Variants in THAP9 observed in about 807,000 individuals in gnomAD.
The protein encoded by THAP9 is DNA transposase THAP9.
In THAP9, 20 loss-of-function variants were observed where a neutral mutation model predicts 35.7. The observed-to-expected ratio is 0.56, with a 90% CI of 0.39 to 0.81. The LOEUF (loss-of-function observed/expected upper bound fraction) is 0.81, where lower values mean the gene tolerates loss of function less well. Among genes scored for constraint, THAP9 ranks in the 40% least tolerant of loss-of-function variants. The pLI, the probability that THAP9 is intolerant of heterozygous loss-of-function variation, is 0.00. For missense variants in THAP9, 870 were observed against 1,047.4 expected, an observed-to-expected ratio of 0.83 and a Z score of 2.34; for synonymous variants, 335 against 373.7, an observed-to-expected ratio of 0.90 and a Z score of 1.19.
At chr4:82,905,505 C>A (rs892111663) in intron 2 of THAP9, among the ~76,000 whole-genome samples, 5 of 149,856 alleles carry the variant, frequency 3.3e-5, no homozygotes, top group South Asian at 4.3e-4. Flanking sequence ...CCTAACTGTT[C>A]TATTCTGACA....
chr4:82,902,105 CTTTTTTTTT>C (rs768693634), intron 1 of THAP9, among the ~76,000 whole-genome samples: 4 of 104,498 alleles, frequency 3.8e-5, no homozygotes, highest in African/African-American at 1.5e-4. Flanking sequence ...CATTTTCCTT[CTTTTTTTTT>C]TTTTTTTTTT....
At position 82,906,620 on chromosome 4, in the gene THAP9, A is replaced by G. The variant is rs143971875; in HGVS notation, c.573A>G (p.Gln191=). ...AAACAGAGTGTCTGCTACGAGCTCA[A>G]TTTTCAGGTACTTCCCCCTAGTAAC... is the stretch of plus-strand genomic sequence containing the variant. ...SEETECLLRA[Q]FSDFKWELYN... is the part of the protein sequence containing the mutation. Residue 191 remains glutamine, a synonymous_variant, in exon 3 of 5, where the codon CAA becomes CAG. Transcript: ENST00000302236. 2.5e-5 allele frequency: 39 copies of G among 1,588,616 alleles called. No individual in the cohort carries two copies. Among genetic ancestry groups the G allele is most frequent in the African/African-American group, 5.4e-5 (4 of 73,602 alleles).
At chr4:82,913,244 G>A (rs962176315) in intron 4 of THAP9, 15 of 152,042 alleles carry the variant, frequency 9.9e-5, no homozygotes, top group Non-Finnish European at 5.9e-5. Flanking sequence ...TCTGCTTCAT[G>A]TTCATGACAT....
chr4:82,907,791 A>T lies in THAP9; in HGVS notation c.587A>T (p.Lys196Met), dbSNP rs1720707295. 1 of 1,576,880 alleles carries T rather than the reference A, an allele frequency of 6.3e-7. No individual in the cohort carries two copies. Among genetic ancestry groups the T allele is most frequent in the South Asian group, 1.2e-5 (1 of 81,962 alleles). ...AAAAAATTTATTTTAACAGATTTTAAGTGGGAGTTATATAATTGGAGAGAA... is the reference window on the plus strand; with the variant it reads ...AAAAAATTTATTTTAACAGATTTTATGTGGGAGTTATATAATTGGAGAGAA... Reference protein sequence around the residue: ...CLLRAQFSDFKWELYNWRETD... With the variant: ...CLLRAQFSDFMWELYNWRETD... Residue 196 changes from lysine (K) to methionine (M), a missense_variant, in exon 4 of 5, where the codon AAG becomes ATG. Lys to Met is a moderately conservative substitution (Grantham distance 95, BLOSUM62 -1). Around this residue, in one of 3 missense-constraint regions of THAP9, gnomAD observed 440 missense variants for 501.2 expected, o/e 0.88. Coordinates refer to ENST00000302236, the MANE Select transcript of THAP9 (RefSeq NM_024672.6).
intron 4 of THAP9, among the ~76,000 whole-genome samples, chr4:82,912,140 C>T (rs1480007592): frequency 6.6e-6 from 1 of 152,140 alleles, no homozygotes; most frequent in Non-Finnish European, 1.5e-5. Context: ...GTGTTTTTTA[C>T]AATTTTCAGT....
intron 1 of THAP9, 122 bp downstream of exon 1, chr4:82,901,004 G>A: frequency 1.7e-6 from 2 of 1,188,794 alleles, no homozygotes; most frequent in Non-Finnish European, 2.4e-6. Context: ...GCGACGTGAC[G>A]TGCGCAGCGT....
At chr4:82,916,001 A>G (rs890907834) in intron 4 of THAP9, among the ~76,000 whole-genome samples, 1 of 152,228 alleles carries the variant, frequency 6.6e-6, no homozygotes, top group Non-Finnish European at 1.5e-5. Context: ...GGAAAGCCCT[A>G]TCCCAAAATA....
At chr4:82,913,408 C>G (rs772223435) in intron 4 of THAP9, 3 of 152,082 alleles carry the variant, frequency 2.0e-5, no homozygotes, top group Non-Finnish European at 4.4e-5. Flanking sequence ...ACATATGCAA[C>G]ACAGTTAGCA....
chr4:82,907,896 G>A lies in THAP9; in HGVS notation c.692G>A (p.Arg231Lys). 1 of 1,610,124 alleles carries A rather than the reference G, an allele frequency of 6.2e-7. No homozygotes were observed. Among genetic ancestry groups the A allele is most frequent in the African/African-American group, 1.3e-5 (1 of 74,914 alleles). The change falls in exon 4 of 5, where the codon AGA (arginine) becomes AAA (lysine). Residue 231 changes from arginine to lysine, a missense_variant. Transcript: ENST00000302236. ...LCSSKVYDYV[R>K]KILKLPHSSI... Reference sequence around the variant, plus strand: ...AGTAGCAAAGTCTATGATTATGTAAGAAAGATTCTTAAGCTGCCTCATTCT... The same window carrying A: ...AGTAGCAAAGTCTATGATTATGTAAAAAAGATTCTTAAGCTGCCTCATTCT...
At chr4:82,901,721 T>TGG (rs200873588) in intron 1 of THAP9, among the ~76,000 whole-genome samples, 1 of 151,654 alleles carries the variant, frequency 6.6e-6, no homozygotes, top group African/African-American at 2.4e-5. Flanking sequence ...TTTTTTTTTT[T>TGG]TTTTGTTTTC....
At chr4:82,904,684 A>C in intron 1 of THAP9, 52 bp from the exon 2 acceptor site, 1 of 1,487,266 alleles carries the variant, frequency 6.7e-7, no homozygotes, top group Non-Finnish European at 9.4e-7. Context: ...ATACTACTGT[A>C]ATAGTACTAT....
chr4:82,900,962 G>GGCCGC, intron 1 of THAP9, 80 bp downstream of exon 1: 1 of 1,533,636 alleles, frequency 6.5e-7, no homozygotes, highest in Non-Finnish European at 8.9e-7. Context: ...GGCGGGGCCG[G>GGCCGC]GCCGCACTGT....
chr4:82,918,598 G>A lies in THAP9; in HGVS notation c.2386G>A (p.Glu796Lys). The change falls in exon 5 of 5, where the codon GAA becomes AAA. Residue 796 changes from glutamate (E) to lysine (K), a missense_variant. Around this residue, in one of 3 missense-constraint regions of THAP9, gnomAD observed 414 missense variants for 500.8 expected, o/e 0.83. Coordinates refer to ENST00000302236, the MANE Select transcript of THAP9 (RefSeq NM_024672.6). Reference protein sequence around the residue: ...AIFELVSKQRELYLQQKILCE... With the variant: ...AIFELVSKQRKLYLQQKILCE... ...TTTTGAACTAGTTTCTAAACAAAGG[G>A]AATTGTATCTTCAACAGAAAATATT... is the stretch of plus-strand genomic sequence containing the variant. 3 of 1,614,070 alleles carry A rather than the reference G, an allele frequency of 1.9e-6. No homozygotes were observed. The highest frequency in any genetic ancestry group is 2.5e-6 in the Non-Finnish European group (3 of 1,179,968).
intron 1 of THAP9, among the ~76,000 whole-genome samples, chr4:82,901,611 T>C (rs565345287): frequency 1.8e-4 from 28 of 152,004 alleles, no homozygotes; most frequent in Non-Finnish European, 2.6e-4. Flanking sequence ...AGTGCAAATA[T>C]AGAGGAGTGG....
chr4:82,903,048 T>C (rs949005538), intron 1 of THAP9, among the ~76,000 whole-genome samples: 1 of 152,236 alleles, frequency 6.6e-6, no homozygotes, highest in African/African-American at 2.4e-5. Context: ...TTTTGTAGCA[T>C]TTAGCTGAGA....
In THAP9 at chr4:82,918,635, C is replaced by G; in HGVS notation, c.2423C>G (p.Ser808Cys). 1 of 1,614,046 alleles carries G rather than the reference C, an allele frequency of 6.2e-7. No individual in the cohort carries two copies. Among genetic ancestry groups the G allele is most frequent in the Non-Finnish European group, 8.5e-7 (1 of 1,179,962 alleles). The change falls in exon 5 of 5, where the codon TCT becomes TGT. Residue 808 changes from serine (S) to cysteine (C), a missense_variant. This residue lies in a region of THAP9 where 414 missense variants were observed against 500.8 expected (regional missense o/e 0.83). Coordinates refer to ENST00000302236, the MANE Select transcript of THAP9 (RefSeq NM_024672.6). ...YLQQKILCEL[S>C]GHINLFVDVN... is the part of the protein sequence containing the mutation. Reference sequence around the variant, plus strand: ...CAACAGAAAATATTATGTGAGCTTTCTGGGCATATTAATCTTTTTGTAGAT... The same window carrying G: ...CAACAGAAAATATTATGTGAGCTTTGTGGGCATATTAATCTTTTTGTAGAT...
rs925341528 is a variant in THAP9, at chr4:82,909,617, C to A, written c.731+1682C>A. On this transcript the variant is annotated intron_variant, in intron 4 of 4. Coordinates refer to ENST00000302236, the MANE Select transcript of THAP9 (RefSeq NM_024672.6). ...TCCTACCCTACTTAACTCTGACATT[C>A]TCCAGCTATTGGACATTTCTATTGT... 3.3e-5 allele frequency among the ~76,000 whole-genome samples: 5 copies of A among 152,254 alleles called. No individual in the cohort carries two copies. The East Asian group carries it at 9.6e-4, about 29-fold the overall frequency.
At chr4:82,902,320 A>T (rs1027116312) in intron 1 of THAP9, among the ~76,000 whole-genome samples, 3 of 150,966 alleles carry the variant, frequency 2.0e-5, no homozygotes, top group African/African-American at 7.3e-5. Context: ...TTGGTCTCCA[A>T]CTTCTTGGCT....
In THAP9 at chr4:82,912,685, T is replaced by C. The variant is rs566776686; in HGVS notation, c.732-4259T>C. On this transcript the variant is annotated intron_variant, in intron 4 of 4. Transcript: ENST00000302236. ...TCCTAAATTTGTCTTTAATTTCTTA[T>C]AAAATATAAGTAAGTTTACCTTGGC... Among the ~76,000 whole-genome samples the C allele has an allele frequency of 6.6e-5, 10 of 152,342 alleles. No individual in the cohort carries two copies. The South Asian group carries it at 1.9e-3, about 28-fold the overall frequency.
Sources: gnomAD v4.1 joint callset for allele counts (sites outside exome capture counted in the v4.1 genomes callset) on GRCh38, gnomAD v4.1.1 for gene constraint, gnomAD v4.1.1 regional missense constraint, MANE v1.5 for transcripts, NCBI Gene and HGNC (gene_info 2026-07-23, HGNC 2026-07-21) for gene names.